The following DMXL2 variants were observed in gnomAD, a reference collection of about 807,000 sequenced individuals.
DMXL2 encodes the protein dmX-like protein 2.
Under a neutral mutation model 331.1 loss-of-function variants are expected in DMXL2, and 103 were observed. The ratio of observed to expected loss-of-function variants is 0.31; its 90% CI spans 0.27 to 0.37. The LOEUF (loss-of-function observed/expected upper bound fraction) is 0.37, where lower values mean the gene tolerates loss of function less well. Ranked by LOEUF, DMXL2 falls within the 10% of genes least tolerant of loss-of-function variation. The pLI is 1.00. For synonymous variants in DMXL2, 1,281 were observed against 1,252.1 expected, an observed-to-expected ratio of 1.02 and a Z score of -0.49; for missense variants, 3,171 against 3,642.9, an observed-to-expected ratio of 0.87 and a Z score of 3.33.
At position 51,450,336 on chromosome 15, in the gene DMXL2, G is replaced by C. The variant is rs766459411; in HGVS notation, c.8760C>G (p.Cys2920Trp). Residue 2920 changes from cysteine (C) to tryptophan (W), a missense_variant, in exon 43 of 44, where the codon TGC becomes TGG. Physicochemically the swap from Cys to Trp is radical, Grantham distance 215. This residue lies in a region of DMXL2 where 766 missense variants were observed against 940.5 expected (regional missense o/e 0.81). Transcript: ENST00000560891. The part of the protein sequence containing the change: ...PGNSLIHGFT[C>W]HDHGATVLQY... ...GCAGTACCGTGGCACCATGATCGTG[G>C]CACGTGAAACCTGAAGAAGAAAAAC... is the stretch of plus-strand genomic sequence containing the variant. The C allele has an allele frequency of 6.2e-7, 1 of 1,613,744 alleles. No individual in the cohort carries two copies.
intron 26 of DMXL2, 143 bp from the exon 27 acceptor site, chr15:51,476,862 G>T: frequency 1.7e-6 from 1 of 573,662 alleles, no homozygotes; most frequent in Non-Finnish European, 2.7e-6. Flanking sequence ...ATTTATTTTA[G>T]AAAATTACTG....
Position 51,537,585 on chromosome 15 carries a change from T to C in DMXL2, c.1520A>G (p.Asp507Gly). ...TACAGGGTGTATTGTAAAAAGCATA[T>C]CAGGATTCTTATTCCATTCAGTTAG... ...TLLTEWNKNP[D>G]MLFTIHPVDG... Residue 507 changes from aspartate to glycine, a missense_variant, in exon 11 of 44, where the codon GAT becomes GGT. Coordinates refer to ENST00000560891, the MANE Select transcript of DMXL2 (RefSeq NM_001378457.1). 6.2e-7 allele frequency: 1 copy of C among 1,613,846 alleles called. No homozygotes were observed. Among genetic ancestry groups the C allele is most frequent in the Non-Finnish European group, 8.5e-7 (1 of 1,179,864 alleles).
intron 29 of DMXL2, among the ~76,000 whole-genome samples, chr15:51,470,407 A>G (rs1316507522): frequency 1.3e-5 from 2 of 152,176 alleles, no homozygotes; most frequent in Non-Finnish European, 2.9e-5. Flanking sequence ...CTGAGGTTAC[A>G]GGTATGAGCC....
At chr15:51,585,197 G>C (rs1018746162) in intron 1 of DMXL2, among the ~76,000 whole-genome samples, 6 of 105,860 alleles carry the variant, frequency 5.7e-5, no homozygotes, top group African/African-American at 2.2e-4. Flanking sequence ...GGGCATCCCT[G>C]TCATGTGCCA....
chr15:51,456,564 T>C (rs1255836888), intron 37 of DMXL2, among the ~76,000 whole-genome samples, 195 bp from the exon 38 acceptor site: 1 of 152,198 alleles, frequency 6.6e-6, no homozygotes, highest in African/African-American at 2.4e-5. Flanking sequence ...CTTGCTGGTA[T>C]AGCCCTGGCC....
chr15:51,580,947 T>C (rs1438608509), intron 1 of DMXL2, among the ~76,000 whole-genome samples: 5 of 151,864 alleles, frequency 3.3e-5, no homozygotes, highest in South Asian at 2.1e-4. Context: ...ACATAAGTCA[T>C]AGATGGCCTC....
chr15:51,490,586 G>C (rs995615509), intron 20 of DMXL2, among the ~76,000 whole-genome samples: 3 of 152,178 alleles, frequency 2.0e-5, no homozygotes, highest in African/African-American at 7.2e-5. Flanking sequence ...ACTGGAGTTT[G>C]GGCTTGTTAC....
chr15:51,474,468 T>C lies in DMXL2; in HGVS notation c.7089A>G (p.Thr2363=). The change falls in exon 28 of 44, where the codon ACA becomes ACG. Residue 2363 remains threonine (T), a synonymous_variant. Transcript: ENST00000560891. The part of the protein sequence containing the change: ...YLSLLIHALA[T]NSSSELFRLA... ...GCCGAAATAATTCACTGGAGGAATTTGTGGCAAGAGCATGTATCAATAAAC... is the reference window on the plus strand; with the variant it reads ...GCCGAAATAATTCACTGGAGGAATTCGTGGCAAGAGCATGTATCAATAAAC... 1 of 1,614,180 alleles carries C rather than the reference T, an allele frequency of 6.2e-7. No homozygotes were observed. The highest frequency in any genetic ancestry group is 1.1e-5 in the South Asian group (1 of 91,084).
chr15:51,485,244 G>C (rs914842572), intron 23 of DMXL2, among the ~76,000 whole-genome samples: 5 of 152,160 alleles, frequency 3.3e-5, no homozygotes, highest in Non-Finnish European at 4.4e-5. Context: ...TCTAGGTCCA[G>C]GGTGTTCAAA....
At chr15:51,602,187 C>A (rs991397459) in intron 1 of DMXL2, among the ~76,000 whole-genome samples, 2 of 152,112 alleles carry the variant, frequency 1.3e-5, no homozygotes, top group African/African-American at 4.8e-5. Context: ...TTTTACTGAA[C>A]TAAGTTAGGC....
intron 39 of DMXL2, among the ~76,000 whole-genome samples, chr15:51,455,460 G>T (rs568283649): frequency 6.6e-6 from 1 of 152,090 alleles, no homozygotes; most frequent in Non-Finnish European, 1.5e-5. Flanking sequence ...GTGCAGTAGT[G>T]CAATTATAAC....
Position 51,471,246 on chromosome 15 carries a change from T to C in DMXL2, c.7369A>G (p.Met2457Val), listed in dbSNP as rs139846451. The change falls in exon 29 of 44, where the codon ATG (methionine) becomes GTG (valine). Residue 2457 changes from methionine (M) to valine (V), a missense_variant. Coordinates refer to ENST00000560891, the MANE Select transcript of DMXL2 (RefSeq NM_001378457.1). ...KEKFIPPELS[M>V]WDYFVAKPFL... ...ACCTTTGCAACAAAATAATCCCACATACTAAGTTCGGGAGGAATAAATTTT... is the reference window on the plus strand; with the variant it reads ...ACCTTTGCAACAAAATAATCCCACACACTAAGTTCGGGAGGAATAAATTTT... The C allele has an allele frequency of 6.2e-6, 10 of 1,613,832 alleles. No individual in the cohort carries two copies. Among genetic ancestry groups the C allele is most frequent in the Non-Finnish European group, 8.5e-6 (10 of 1,179,898 alleles).
At chr15:51,480,174 G>T (rs1340114096) in intron 24 of DMXL2, 35 bp from the exon 25 acceptor site, 1 of 1,474,266 alleles carries the variant, frequency 6.8e-7, no homozygotes, top group Non-Finnish European at 9.1e-7. Flanking sequence ...TTTCAAAGTA[G>T]TTTAAAAAAT....
intron 1 of DMXL2, among the ~76,000 whole-genome samples, chr15:51,597,970 T>C (rs1206626025): frequency 6.6e-6 from 1 of 152,204 alleles, no homozygotes; most frequent in Admixed American, 6.5e-5. Context: ...TTTCATCCGT[T>C]ATTGTTATCA....
chr15:51,508,210 G>A (rs2046529975), intron 15 of DMXL2, among the ~76,000 whole-genome samples: 1 of 152,078 alleles, frequency 6.6e-6, no homozygotes, highest in African/African-American at 2.4e-5. Context: ...AAAGAATTAG[G>A]AGAAAGACCT....
In DMXL2 at chr15:51,471,375, C is replaced by T. The variant is rs748116462; in HGVS notation, c.7240G>A (p.Asp2414Asn). The change falls in exon 29 of 44, where the codon GAT (aspartate) becomes AAT (asparagine). Residue 2414 changes from aspartate (D) to asparagine (N), a missense_variant. Coordinates refer to ENST00000560891, the MANE Select transcript of DMXL2 (RefSeq NM_001378457.1). ...ATGTTAAATCTCCTACGGTGTTTAT[C>T]TATGTCTTCAGAAAGGACAGGAGGT... ...SAPPVLSEDI[D>N]KHRRRFNMRM... 1 of 1,612,266 alleles carries T rather than the reference C, an allele frequency of 6.2e-7. No homozygotes were observed. Among genetic ancestry groups the T allele is most frequent in the Non-Finnish European group, 8.5e-7 (1 of 1,178,974 alleles).
chr15:51,614,886 A>G (rs1166540835), intron 1 of DMXL2, among the ~76,000 whole-genome samples: 1 of 152,212 alleles, frequency 6.6e-6, no homozygotes, highest in Non-Finnish European at 1.5e-5. Flanking sequence ...AAATAAACTG[A>G]AGGAGGATAG....
chr15:51,556,355 G>GAAAAAAAAAAAAAAAAAAAAAAAAA (rs59460472), intron 6 of DMXL2, among the ~76,000 whole-genome samples: 2 of 118,974 alleles, frequency 1.7e-5, no homozygotes, highest in Non-Finnish European at 1.7e-5. Flanking sequence ...AAAAAAAAAA[G>GAAAAAAAAAAAAAAAAAAAAAAAAA]AAAAAAAAAA....
intron 1 of DMXL2, among the ~76,000 whole-genome samples, chr15:51,617,866 A>G (rs1013739929): frequency 6.6e-6 from 1 of 152,180 alleles, no homozygotes. Context: ...TCTTCTTGCT[A>G]CAAGCAAGAA....
Sources: gnomAD v4.1 joint callset for allele counts (sites outside exome capture counted in the v4.1 genomes callset) on GRCh38, gnomAD v4.1.1 for gene constraint, gnomAD v4.1.1 regional missense constraint, MANE v1.5 for transcripts, NCBI Gene and HGNC (gene_info 2026-07-23, HGNC 2026-07-21) for gene names.